The following TNS1 variants were observed in gnomAD, a reference collection of about 807,000 sequenced individuals.
The protein encoded by TNS1 is tensin 1.
In TNS1, 62 loss-of-function variants were observed where a neutral mutation model predicts 168.6. The observed-to-expected ratio is 0.37, with a 90% CI of 0.30 to 0.45. The LOEUF (loss-of-function observed/expected upper bound fraction) is 0.45. Among genes scored for constraint, TNS1 ranks in the 20% least tolerant of loss-of-function variants. The pLI is 1.00. For missense variants in TNS1, 2,240 were observed against 2,339.4 expected (o/e 0.96, Z 0.88); for synonymous variants, 934 against 933.2 (o/e 1.00, Z -0.02).
At position 218,002,979 on chromosome 2, in the gene TNS1, C is replaced by T. The variant is rs956049174; in HGVS notation, c.-107G>A. ...GGGCTCTCTGAGTCCGCGGCTGCTC[C>T]GGCTCCGCCAGCATCTGCTGGGCCT... On this transcript the variant is annotated 5_prime_UTR_variant, in exon 1 of 33. Coordinates refer to ENST00000682258, the MANE Select transcript of TNS1 (RefSeq NM_001387777.1). 4.6e-5 allele frequency: 21 copies of T among 453,870 alleles called. No homozygotes were observed. Among genetic ancestry groups the T allele is most frequent in the South Asian group, 2.6e-4 (17 of 64,424 alleles). 28.1% of individuals were successfully genotyped at this position (453,870 alleles called of 1,614,324 possible). A position where few individuals can be genotyped will look rare whatever the true frequency, so the allele number is the denominator to read the frequency against.
chr2:217,935,538 C>T (rs903032198), intron 3 of TNS1, among the ~76,000 whole-genome samples: 12 of 152,178 alleles, frequency 7.9e-5, no homozygotes, highest in Non-Finnish European at 1.3e-4. Context: ...CTAGCTCAGC[C>T]GGCCACAGCA....
At chr2:217,940,688 G>A (rs781019476) in intron 3 of TNS1, among the ~76,000 whole-genome samples, 11 of 152,186 alleles carry the variant, frequency 7.2e-5, no homozygotes, top group Non-Finnish European at 1.5e-4. Flanking sequence ...GTTGAGTTGG[G>A]TGATCTCAAT....
intron 23 of TNS1, among the ~76,000 whole-genome samples, chr2:217,821,257 T>A (rs1229806647): frequency 6.6e-6 from 1 of 152,156 alleles, no homozygotes; most frequent in African/African-American, 2.4e-5. Flanking sequence ...TGAATCTGAT[T>A]TCTGCCACTG....
intron 24 of TNS1, among the ~76,000 whole-genome samples, chr2:217,817,378 C>T: frequency 6.6e-6 from 1 of 152,172 alleles, no homozygotes; most frequent in East Asian, 1.9e-4. Flanking sequence ...GAGCCTGGCA[C>T]ACAGCATGTG....
intron 18 of TNS1, among the ~76,000 whole-genome samples, chr2:217,871,531 T>C (rs1215820090): frequency 6.6e-6 from 1 of 152,214 alleles, no homozygotes; most frequent in East Asian, 1.9e-4. Flanking sequence ...TGCAATCCTG[T>C]ACTCCCCTCT....
At chr2:217,958,454 C>T (rs1463562049) in intron 3 of TNS1, among the ~76,000 whole-genome samples, 5 of 152,282 alleles carry the variant, frequency 3.3e-5, no homozygotes, top group African/African-American at 7.2e-5. Context: ...AGGAAGAGCA[C>T]GCTGGCGGTG....
At chr2:217,849,172 A>G (rs989838758) in intron 18 of TNS1, 85 bp from the exon 19 acceptor site, 13 of 1,489,200 alleles carry the variant, frequency 8.7e-6, no homozygotes, top group Non-Finnish European at 1.2e-5. Flanking sequence ...CCAGAGAAAG[A>G]AGCTAAGAGC....
chr2:217,956,570 G>A (rs1311409509), intron 3 of TNS1, among the ~76,000 whole-genome samples: 1 of 152,102 alleles, frequency 6.6e-6, no homozygotes, highest in Non-Finnish European at 1.5e-5. Flanking sequence ...AACAGCCCTC[G>A]CTTCAGTCTC....
chr2:217,844,572 G>A (rs554453040), intron 19 of TNS1, among the ~76,000 whole-genome samples: 3 of 152,198 alleles, frequency 2.0e-5, no homozygotes, highest in South Asian at 4.2e-4. Context: ...CAGTGATCCC[G>A]TTTACTTTCA....
At chr2:217,927,475 G>A (rs1259653665) in intron 3 of TNS1, among the ~76,000 whole-genome samples, 4 of 152,240 alleles carry the variant, frequency 2.6e-5, no homozygotes, top group African/African-American at 7.2e-5. Flanking sequence ...AGAAGGACCA[G>A]GCTGAAACTA....
At chr2:217,999,671 A>C (rs1958528351) in intron 1 of TNS1, among the ~76,000 whole-genome samples, 1 of 152,204 alleles carries the variant, frequency 6.6e-6, no homozygotes, top group African/African-American at 2.4e-5. Context: ...ACTAGAGAGA[A>C]CGAGTTCAGG....
intron 17 of TNS1, chr2:217,881,617 T>C (rs183029955): frequency 6.5e-6 from 1 of 152,960 alleles, no homozygotes; most frequent in Non-Finnish European, 1.5e-5. Context: ...ACCTAATGCA[T>C]GCAGAGCTTA....
intron 4 of TNS1, among the ~76,000 whole-genome samples, chr2:217,917,149 A>G (rs1000840402): frequency 1.4e-4 from 21 of 152,158 alleles, no homozygotes; most frequent in Non-Finnish European, 2.6e-4. Context: ...TTCCAGCTGA[A>G]GGCAGCTGCC....
chr2:218,002,848 T>G lies in TNS1; in HGVS notation c.25A>C (p.Met9Leu), dbSNP rs1438490225. MTWICLSC[M>L]LWPEDLEAPK... ...AAAGCAGCCAGACCTACCCAGAGCA[T>G]GCAGGACAGACAGATCCACGTCATC... The change falls in exon 1 of 33, where the codon ATG (methionine) becomes CTG (leucine). Residue 9 changes from methionine (M) to leucine (L), a missense_variant. By Grantham distance (15) the Met-to-Leu change is conservative (BLOSUM62 2). This residue lies in a region of TNS1 where 2,131 missense variants were observed against 2,171.2 expected (regional missense o/e 0.98). Coordinates refer to ENST00000682258, the MANE Select transcript of TNS1 (RefSeq NM_001387777.1). 2 of 456,894 alleles carry G rather than the reference T, an allele frequency of 4.4e-6. No individual in the cohort carries two copies. The highest frequency in any genetic ancestry group is 6.5e-4 in the Middle Eastern group (2 of 3,076). 28.3% of individuals were successfully genotyped at this position (456,894 alleles called of 1,614,324 possible).
In TNS1 at chr2:217,957,581, C is replaced by T. The variant is rs141071184; in HGVS notation, c.186+21184G>A. 1.9e-3 allele frequency among the ~76,000 whole-genome samples: 292 copies of T among 152,102 alleles called. 1 individual carries two copies. The highest frequency in any genetic ancestry group is 3.5e-3 in the South Asian group (17 of 4,818). ...TGATTACTATGGAAATAGACAGAGGCCTGAGAGAGCACAGCTTCTATGTTC... is the reference window on the plus strand; with the variant it reads ...TGATTACTATGGAAATAGACAGAGGTCTGAGAGAGCACAGCTTCTATGTTC... On this transcript the variant is annotated intron_variant, in intron 3 of 32. Transcript: ENST00000682258.
intron 1 of TNS1, among the ~76,000 whole-genome samples, chr2:218,000,358 A>C (rs1958539304): frequency 6.6e-6 from 1 of 152,234 alleles, no homozygotes; most frequent in Non-Finnish European, 1.5e-5. Flanking sequence ...GTAGCTGGTC[A>C]GAGTCCCTGG....
intron 16 of TNS1, among the ~76,000 whole-genome samples, chr2:217,882,800 A>G (rs1317312375): frequency 2.0e-5 from 3 of 151,882 alleles, no homozygotes; most frequent in Non-Finnish European, 4.4e-5. Context: ...CCTGGAGTGC[A>G]TATTTATATT....
intron 18 of TNS1, among the ~76,000 whole-genome samples, chr2:217,864,290 C>T (rs1418427048): frequency 1.3e-5 from 2 of 152,114 alleles, no homozygotes; most frequent in Non-Finnish European, 2.9e-5. Context: ...GGAGCAAGGG[C>T]GAAGGAGAGG....
chr2:217,851,440 T>TACACAC (rs3838563), intron 18 of TNS1, among the ~76,000 whole-genome samples: 209 of 139,832 alleles, frequency 1.5e-3, no homozygotes, highest in African/African-American at 2.3e-3. Context: ...TGCATCCCTC[T>TACACAC]ACACACACAC....
Sources: allele counts gnomAD v4.1 joint callset (sites outside exome capture counted in the v4.1 genomes callset), GRCh38; gene constraint gnomAD v4.1.1; regional missense constraint gnomAD v4.1.1; transcripts MANE v1.5; gene names NCBI Gene and HGNC (gene_info 2026-07-23, HGNC 2026-07-21).